The following OLFM1 variants were observed in gnomAD, a reference collection of about 807,000 sequenced individuals.
OLFM1 encodes the protein olfactomedin 1, also known as noelin.
Under a neutral mutation model 49.7 loss-of-function variants are expected in OLFM1, and 9 were observed. That is an observed-to-expected ratio of 0.18 (90% CI 0.11 to 0.32). OLFM1 has a LOEUF of 0.32. Among genes scored for constraint, OLFM1 ranks in the 10% least tolerant of loss-of-function variants. OLFM1 has a pLI of 1.00. For synonymous variants in OLFM1, 240 were observed against 271.8 expected (o/e 0.88, Z 1.15); for missense variants, 369 against 661.8 (o/e 0.56, Z 4.85).
chr9:135,098,329 T>C lies in OLFM1; in HGVS notation c.500T>C (p.Val167Ala). The change falls in exon 4 of 6, where the codon GTG becomes GCG. Residue 167 changes from valine (V) to alanine (A), a missense_variant. Around this residue, in one of 3 missense-constraint regions of OLFM1, gnomAD observed 294 missense variants for 567.5 expected, o/e 0.52. Transcript: ENST00000371793. The surrounding 1 kb of genome is among the most constrained non-coding windows in gnomAD (Gnocchi z 5.6). ...GATGAACTTAGGCCTTTGATACCTG[T>C]GTTGGAAGAGTACAAGGCCGATGCC... ...KMDELRPLIP[V>A]LEEYKADAKL... is the part of the protein sequence containing the mutation. 6.2e-7 allele frequency: 1 copy of C among 1,613,858 alleles called. No homozygotes were observed. Among genetic ancestry groups the C allele is most frequent in the South Asian group, 1.1e-5 (1 of 91,088 alleles).
intron 5 of OLFM1, among the ~76,000 whole-genome samples, chr9:135,111,058 G>C (rs901592805): frequency 2.0e-5 from 3 of 152,150 alleles, no homozygotes; most frequent in Non-Finnish European, 4.4e-5. Flanking sequence ...GAAAGTAATC[G>C]GGACAGTTAG....
upstream of OLFM1, among the ~76,000 whole-genome samples, chr9:135,085,447 T>A (rs941544709): frequency 6.6e-6 from 1 of 152,192 alleles, no homozygotes; most frequent in Admixed American, 6.5e-5. Context: ...CTTGGACAGG[T>A]CTTATCATCT....
chr9:135,105,418 A>G (rs1830928371), intron 4 of OLFM1, among the ~76,000 whole-genome samples: 1 of 152,158 alleles, frequency 6.6e-6, no homozygotes, highest in African/African-American at 2.4e-5. Flanking sequence ...ACAGAATCGG[A>G]GACGCCTCCA....
At chr9:135,106,547 T>TG in intron 4 of OLFM1, 1 of 579,874 alleles carries the variant, frequency 1.7e-6, no homozygotes, top group Non-Finnish European at 3.1e-6. Flanking sequence ...TGCTCTGTTT[T>TG]GGGGAGGAGG....
chr9:135,076,073 AC>A (rs1205594176), intron 1 of OLFM1: 1 of 1,467,224 alleles, frequency 6.8e-7, no homozygotes, highest in East Asian at 2.6e-5. Flanking sequence ...GCTGCCCCCG[AC>A]TCCCTGCTGA....
intron 2 of OLFM1, among the ~76,000 whole-genome samples, chr9:135,091,433 ACACT>A (rs1830683614): frequency 6.6e-6 from 1 of 151,588 alleles, no homozygotes; most frequent in Admixed American, 6.6e-5. Context: ...ACTCACAAAC[ACACT>A]CACACATAGT....
intron 5 of OLFM1, among the ~76,000 whole-genome samples, chr9:135,114,123 CTTTTTTTTTTTTTT>C (rs138372395): frequency 1.1e-4 from 8 of 75,850 alleles, no homozygotes; most frequent in Middle Eastern, 9.8e-3. Context: ...TCTTGAGATT[CTTTTTTTTTTTTTT>C]TTTTTTTTTT....
rs1047173629 is a variant in OLFM1, at chr9:135,080,277, GC to G, written c.96+4480del. Among the ~76,000 whole-genome samples, 1 of 152,054 alleles carries G rather than the reference GC, an allele frequency of 6.6e-6. No homozygotes were observed. The highest frequency in any genetic ancestry group is 1.9e-4 in the East Asian group (1 of 5,152). ...GGCCCTCTTCCCCTCCAGCTTCTCTGCCCCCTCTGTTTTGGACTTGCTGGGA... is the reference window on the plus strand; with the variant it reads ...GGCCCTCTTCCCCTCCAGCTTCTCTGCCCCTCTGTTTTGGACTTGCTGGGA... On this transcript the variant is annotated intron_variant, in intron 1 of 5. Transcript: ENST00000252854. The surrounding 1 kb of genome is among the most constrained non-coding windows in gnomAD (Gnocchi z 4.5).
At chr9:135,090,700 G>A (rs1807955139) in intron 2 of OLFM1, among the ~76,000 whole-genome samples, 1 of 152,088 alleles carries the variant, frequency 6.6e-6, no homozygotes, top group African/African-American at 2.4e-5. Flanking sequence ...CACAAGGCTC[G>A]TCTCTGAGTG....
chr9:135,111,124 G>A (rs1371968718), intron 5 of OLFM1, among the ~76,000 whole-genome samples: 1 of 152,244 alleles, frequency 6.6e-6, no homozygotes, highest in Non-Finnish European at 1.5e-5. Context: ...GCGGTGCAGA[G>A]GTTCAGACAG....
chr9:135,084,263 G>A (rs1239881882), upstream of OLFM1, among the ~76,000 whole-genome samples: 1 of 152,096 alleles, frequency 6.6e-6, no homozygotes, highest in African/African-American at 2.4e-5. The surrounding 1 kb of genome is among the most constrained non-coding windows in gnomAD (Gnocchi z 4.6). Flanking sequence ...GCTCCATGTG[G>A]GACCTCTCTC....
intron 2 of OLFM1, chr9:135,095,333 A>G (rs1251167201): frequency 6.6e-6 from 1 of 152,554 alleles, no homozygotes; most frequent in East Asian, 1.9e-4. Context: ...TTGTTCCTTC[A>G]CTCTGCACTT....
upstream of OLFM1, chr9:135,087,272 A>G (rs909027812): frequency 6.8e-7 from 1 of 1,463,766 alleles, no homozygotes; most frequent in East Asian, 2.7e-5. Flanking sequence ...ATCACCGCGG[A>G]AAAGGGCTCC....
chr9:135,109,640 G>A (rs537458731), intron 5 of OLFM1, among the ~76,000 whole-genome samples: 14 of 152,200 alleles, frequency 9.2e-5, no homozygotes, highest in African/African-American at 2.9e-4. Context: ...TAGGCCAGCC[G>A]TGGTTTGTTT....
chr9:135,114,395 G>T (rs1021531204), intron 5 of OLFM1, among the ~76,000 whole-genome samples: 1 of 152,050 alleles, frequency 6.6e-6, no homozygotes, highest in East Asian at 1.9e-4. Flanking sequence ...GATTACAAGC[G>T]TAAGCCCCCA....
intron 2 of OLFM1, among the ~76,000 whole-genome samples, chr9:135,091,458 CTCACACACAG>C (rs1424828631): frequency 2.0e-5 from 3 of 150,406 alleles, no homozygotes; most frequent in South Asian, 2.1e-4. Flanking sequence ...CACACACACA[CTCACACACAG>C]TCACACACAT....
chr9:135,118,833 G>A (rs1044960278), intron 5 of OLFM1, among the ~76,000 whole-genome samples: 1 of 111,388 alleles, frequency 9.0e-6, no homozygotes, highest in Non-Finnish European at 1.9e-5. Flanking sequence ...AGTGCTCGCC[G>A]GGTCTTTGGA....
upstream of OLFM1, among the ~76,000 whole-genome samples, chr9:135,084,987 AGCAAGCTGG>A (rs1389032469): frequency 1.3e-4 from 20 of 152,314 alleles, 2 homozygotes; most frequent in African/African-American, 4.8e-4. The surrounding 1 kb of genome is among the most constrained non-coding windows in gnomAD (Gnocchi z 4.6). Flanking sequence ...TAAGGTCTAT[AGCAAGCTGG>A]GCAGGAGCAC....
In OLFM1 at chr9:135,087,833, GGGGCGGCGGCGGCGGC is replaced by G; in HGVS notation, c.-150_-135del. ...AGGCGCGGCGATGGCCGGGGCGCGC[GGGGCGGCGGCGGCGGC>G]GGGCGGGCGGCGGCGGGCCGAGGGG... On this transcript the variant is annotated 5_prime_UTR_variant, in exon 1 of 6. It removes the in-frame stop codon of an upstream open reading frame in the 5' UTR. Transcript: ENST00000371793. 1.1e-6 allele frequency: 1 copy of G among 923,070 alleles called. No individual in the cohort carries two copies. The highest frequency in any genetic ancestry group is 1.3e-6 in the Non-Finnish European group (1 of 775,712). The allele number at this position is 923,070 out of a possible 1,614,324, so 57.2% of individuals were successfully genotyped here. A position where few individuals can be genotyped will look rare whatever the true frequency, so the allele number is the denominator to read the frequency against.
Sources: gnomAD v4.1 joint callset for allele counts (sites outside exome capture counted in the v4.1 genomes callset) on GRCh38, gnomAD v4.1.1 for gene constraint, gnomAD v4.1.1 regional missense constraint, Gnocchi (gnomAD v3.1) non-coding constraint, MANE v1.5 for transcripts, NCBI Gene and HGNC (gene_info 2026-07-23, HGNC 2026-07-21) for gene names.